NXPH3: variants seen among roughly 807,000 people sequenced by gnomAD.
NXPH3 encodes the protein neurexophilin 3, also known as neurexophilin-3.
Under a neutral mutation model 18.8 loss-of-function variants are expected in NXPH3, and 7 were observed. That is an observed-to-expected ratio of 0.37 (90% CI 0.21 to 0.70). The LOEUF (loss-of-function observed/expected upper bound fraction) is 0.70. Among genes scored for constraint, NXPH3 ranks in the 30% least tolerant of loss-of-function variants. The probability of loss-of-function intolerance (pLI) is 0.53; values close to 1 mark genes in which losing one functional copy is unlikely to be tolerated. For missense variants in NXPH3, 282 were observed against 338.1 expected (o/e 0.83, Z 1.30); for synonymous variants, 101 against 137.3 (o/e 0.74, Z 1.85).
rs532522841 is a variant in NXPH3 at position 49,580,521 on chromosome 17, G to C, written c.*1221G>C. 6.6e-6 allele frequency: 1 copy of C among 152,236 alleles called. No homozygotes were observed. Among genetic ancestry groups the C allele is most frequent in the South Asian group, 2.1e-4 (1 of 4,834 alleles). 9.4% of individuals were successfully genotyped at this position (152,236 alleles called of 1,614,324 possible). The stretch of plus-strand genomic sequence containing the variant: ...GCTCAGGGCTTCCCTCTCCAGCCCC[G>C]GTTCCAAGCTGTCTGATCCCCCACG... On this transcript the variant is annotated 3_prime_UTR_variant, in exon 2 of 2. Transcript: ENST00000328741.
rs1201386344 is a variant in NXPH3, at chr17:49,579,973, A to C, written c.*673A>C. ...TGCCAGTACTCCCCCTGTACCACCC[A>C]TTGCTGATGGCACACCCATCCTTAA... On this transcript the variant is annotated 3_prime_UTR_variant, in exon 2 of 2. Coordinates refer to ENST00000328741, the MANE Select transcript of NXPH3 (RefSeq NM_007225.4). The surrounding 1 kb of genome is among the most constrained non-coding windows in gnomAD (Gnocchi z 6.0). 6.6e-6 allele frequency: 1 copy of C among 152,376 alleles called. No homozygotes were observed. Among genetic ancestry groups the C allele is most frequent in the African/African-American group, 2.4e-5 (1 of 41,392 alleles). The allele number at this position is 152,376 out of a possible 1,614,324, so 9.4% of individuals were successfully genotyped here.
Position 49,582,290 on chromosome 17 carries a change from A to C in NXPH3, c.*2990A>C. 5.2e-6 allele frequency: 1 copy of C among 191,172 alleles called. No homozygotes were observed. The highest frequency in any genetic ancestry group is 1.1e-5 in the Non-Finnish European group (1 of 93,490). 11.8% of individuals were successfully genotyped at this position (191,172 alleles called of 1,614,324 possible). ...AGAAACCTGTCCCCACTCTGCCCAG[A>C]CCCCAAAGGGCCAGGTCCTACTCAC... On this transcript the variant is annotated 3_prime_UTR_variant, in exon 2 of 2. Transcript: ENST00000328741.
chr17:49,576,363 C>G lies in NXPH3; in HGVS notation c.54+90C>G, dbSNP rs1292978311. 3 of 1,419,648 alleles carry G rather than the reference C, an allele frequency of 2.1e-6. No individual in the cohort carries two copies. The Admixed American group carries it at 6.0e-5, about 28-fold the overall frequency. The allele number at this position is 1,419,648 out of a possible 1,614,324, so 87.9% of individuals were successfully genotyped here. On this transcript the variant is annotated intron_variant, in intron 1 of 1. Transcript: ENST00000328741. Reference sequence around the variant, plus strand: ...AAGCTTGCGAGCCCTGAAACTTTCTCCCTTCCCCCGACATCCCGGGGATGG... The same window carrying G: ...AAGCTTGCGAGCCCTGAAACTTTCTGCCTTCCCCCGACATCCCGGGGATGG...
chr17:49,580,044 C>T lies in NXPH3; in HGVS notation c.*744C>T. On this transcript the variant is annotated 3_prime_UTR_variant, in exon 2 of 2. Coordinates refer to ENST00000328741, the MANE Select transcript of NXPH3 (RefSeq NM_007225.4). ...GTCCTCCCACACTAAGGCCACAGCC[C>T]ATCCGCGTGCTGTGTGTCCCTCTTC... The T allele has an allele frequency of 6.6e-6, 1 of 152,552 alleles. No individual in the cohort carries two copies. Among genetic ancestry groups the T allele is most frequent in the Non-Finnish European group, 1.5e-5 (1 of 68,190 alleles). 9.4% of individuals were successfully genotyped at this position (152,552 alleles called of 1,614,324 possible).
chr17:49,578,575 T>C lies in NXPH3; in HGVS notation c.55-21T>C. 6.6e-7 allele frequency: 1 copy of C among 1,523,742 alleles called. No homozygotes were observed. The highest frequency in any genetic ancestry group is 8.8e-7 in the Non-Finnish European group (1 of 1,136,396). 94.4% of individuals were successfully genotyped at this position (1,523,742 alleles called of 1,614,324 possible). On this transcript the variant is annotated intron_variant, in intron 1 of 1. Coordinates refer to ENST00000328741, the MANE Select transcript of NXPH3 (RefSeq NM_007225.4). The surrounding 1 kb of genome is among the most constrained non-coding windows in gnomAD (Gnocchi z 4.5). ...ACCTCCAGGGACAGGGCTCTCACTG[T>C]ACTCACAACTCCCTCCATAGGTCAT... is the stretch of plus-strand genomic sequence containing the variant.
intron 1 of NXPH3, among the ~76,000 whole-genome samples, chr17:49,576,613 G>A (rs754116454): frequency 2.6e-5 from 4 of 152,038 alleles, no homozygotes. Context: ...AGTGGGGCGC[G>A]GGTCGTGGAG....
Position 49,579,012 on chromosome 17 carries a change from C to T in NXPH3, c.471C>T (p.Phe157=), listed in dbSNP as rs1372954261. The T allele has an allele frequency of 1.2e-6, 2 of 1,614,068 alleles. No homozygotes were observed. Among genetic ancestry groups the T allele is most frequent in the Non-Finnish European group, 1.7e-6 (2 of 1,180,048 alleles). ...SLVPPSKAVE[F]HQEQQIFIEA... is the part of the protein sequence containing the mutation. ...TGCCCCCCAGTAAAGCTGTAGAGTT[C>T]CACCAGGAACAGCAGATCTTCATCG... Residue 157 remains phenylalanine, a synonymous_variant, in exon 2 of 2, where the codon TTC becomes TTT. Coordinates refer to ENST00000328741, the MANE Select transcript of NXPH3 (RefSeq NM_007225.4). This position sits in a 1 kb window ranked among gnomAD's most constrained non-coding sequence, Gnocchi z 6.0.
At position 49,578,844 on chromosome 17, in the gene NXPH3, C is replaced by T. The variant is rs1567759284; in HGVS notation, c.303C>T (p.Gly101=). The T allele has an allele frequency of 6.2e-7, 1 of 1,614,126 alleles. No homozygotes were observed. The highest frequency in any genetic ancestry group is 8.5e-7 in the Non-Finnish European group (1 of 1,180,030). The change falls in exon 2 of 2, where the codon GGC becomes GGT. Residue 101 remains glycine (G), a synonymous_variant. Coordinates refer to ENST00000328741, the MANE Select transcript of NXPH3 (RefSeq NM_007225.4). This position sits in a 1 kb window ranked among gnomAD's most constrained non-coding sequence, Gnocchi z 4.5. ...PPSAKVKKIF[G]WGDFYSNIKT... is the part of the protein sequence containing the mutation. ...CAGCCAAGGTGAAGAAAATCTTTGG[C>T]TGGGGCGACTTCTACTCCAACATCA... is the stretch of plus-strand genomic sequence containing the variant.
At position 49,578,784 on chromosome 17, in the gene NXPH3, G is replaced by GC; in HGVS notation, c.249dup (p.Asn84GlnfsTer70). On this transcript the variant is annotated frameshift_variant, in exon 2 of 2. Transcript: ENST00000328741. LOFTEE classifies it high-confidence loss of function. This position sits in a 1 kb window ranked among gnomAD's most constrained non-coding sequence, Gnocchi z 4.5. ...GGGAGGCTTGGGGCATTCTTGGGCA[G>GC]CCCCCCAACCGCCCGAACCACAGCC... 3 of 1,613,726 alleles carry GC rather than the reference G, an allele frequency of 1.9e-6. No homozygotes were observed. Among genetic ancestry groups the GC allele is most frequent in the Non-Finnish European group, 2.5e-6 (3 of 1,179,948 alleles).
In NXPH3 at chr17:49,580,834, T is replaced by A. The variant is rs1002613527; in HGVS notation, c.*1534T>A. On this transcript the variant is annotated 3_prime_UTR_variant, in exon 2 of 2. Transcript: ENST00000328741. The stretch of plus-strand genomic sequence containing the variant: ...TCTCAAACGCGGATCACCCAGAGGG[T>A]TTGTTAACACACAGATTTCTGGGTC... 1.3e-5 allele frequency: 2 copies of A among 152,230 alleles called. No individual in the cohort carries two copies. The highest frequency in any genetic ancestry group is 4.8e-5 in the African/African-American group (2 of 41,450). The allele number at this position is 152,230 out of a possible 1,614,324, so 9.4% of individuals were successfully genotyped here.
intron 1 of NXPH3, 71 bp downstream of exon 1, chr17:49,576,344 G>C (rs1244811124): frequency 2.7e-5 from 41 of 1,506,758 alleles, no homozygotes; most frequent in Non-Finnish European, 3.2e-5. Context: ...CGGGAAGCTT[G>C]CGAGCCCTGA....
Position 49,581,669 on chromosome 17 carries a change from C to A in NXPH3, c.*2369C>A, listed in dbSNP as rs2071601168. On this transcript the variant is annotated 3_prime_UTR_variant, in exon 2 of 2. Coordinates refer to ENST00000328741, the MANE Select transcript of NXPH3 (RefSeq NM_007225.4). ...GACTGCTGGCACTGGAGCAGCCCAC[C>A]AATGGACACCCACCGTGTGCCGTTC... 1 of 702,490 alleles carries A rather than the reference C, an allele frequency of 1.4e-6. No individual in the cohort carries two copies. The highest frequency in any genetic ancestry group is 2.0e-5 in the Admixed American group (1 of 49,994). 43.5% of individuals were successfully genotyped at this position (702,490 alleles called of 1,614,324 possible). A position where few individuals can be genotyped will look rare whatever the true frequency, so the allele number is the denominator to read the frequency against.
At position 49,581,334 on chromosome 17, in the gene NXPH3, T is replaced by A. The variant is rs879187316; in HGVS notation, c.*2034T>A. ...GGAGGTCATTCTAAGTCGGCTCTCT[T>A]GGGAGGGCAGCACTCAGGGCCCTTT... On this transcript the variant is annotated 3_prime_UTR_variant, in exon 2 of 2. Transcript: ENST00000328741. 5 of 523,806 alleles carry A rather than the reference T, an allele frequency of 9.5e-6. No homozygotes were observed. Among genetic ancestry groups the A allele is most frequent in the Middle Eastern group, 4.9e-4 (1 of 2,036 alleles). 32.4% of individuals were successfully genotyped at this position (523,806 alleles called of 1,614,324 possible). A position where few individuals can be genotyped will look rare whatever the true frequency, so the allele number is the denominator to read the frequency against.
At position 49,581,176 on chromosome 17, in the gene NXPH3, G is replaced by A. The variant is rs1014173173; in HGVS notation, c.*1876G>A. 10 of 212,050 alleles carry A rather than the reference G, an allele frequency of 4.7e-5. No individual in the cohort carries two copies. The highest frequency in any genetic ancestry group is 2.5e-4 in the East Asian group (2 of 8,074). The allele number at this position is 212,050 out of a possible 1,614,324, so 13.1% of individuals were successfully genotyped here. ...AGTGGGGTGTGGACACAGGGCCTGC[G>A]TCAGTCACTCCCCTCCTGCAGCTAG... On this transcript the variant is annotated 3_prime_UTR_variant, in exon 2 of 2. Coordinates refer to ENST00000328741, the MANE Select transcript of NXPH3 (RefSeq NM_007225.4).
chr17:49,578,841 T>C lies in NXPH3; in HGVS notation c.300T>C (p.Phe100=). The change falls in exon 2 of 2, where the codon TTT becomes TTC. Residue 100 remains phenylalanine, a synonymous_variant. Coordinates refer to ENST00000328741, the MANE Select transcript of NXPH3 (RefSeq NM_007225.4). This position sits in a 1 kb window ranked among gnomAD's most constrained non-coding sequence, Gnocchi z 4.5. The part of the protein sequence containing the change: ...PPPSAKVKKI[F]GWGDFYSNIK... ...CCTCAGCCAAGGTGAAGAAAATCTT[T>C]GGCTGGGGCGACTTCTACTCCAACA... 2.5e-6 allele frequency: 4 copies of C among 1,614,090 alleles called. No homozygotes were observed. The highest frequency in any genetic ancestry group is 3.4e-6 in the Non-Finnish European group (4 of 1,180,020).
chr17:49,581,442 G>T lies in NXPH3; in HGVS notation c.*2142G>T, dbSNP rs568017596. ...CCACCTTTCGCCCCTGCCCACCAGCGCTCCGCGCAAACTGGTCCCCTCATA... is the reference window on the plus strand; with the variant it reads ...CCACCTTTCGCCCCTGCCCACCAGCTCTCCGCGCAAACTGGTCCCCTCATA... On this transcript the variant is annotated 3_prime_UTR_variant, in exon 2 of 2. Transcript: ENST00000328741. The T allele has an allele frequency of 2.2e-4, 130 of 601,176 alleles. No individual in the cohort carries two copies. The African/African-American group carries it at 2.3e-3, about 11-fold the overall frequency. 37.2% of individuals were successfully genotyped at this position (601,176 alleles called of 1,614,324 possible).
chr17:49,581,990 G>T lies in NXPH3; in HGVS notation c.*2690G>T. ...CCTTTCCACCTTCCCCAGTAGCCTG[G>T]CTGCTCTCCTCAGCTAGGACTTCGC... On this transcript the variant is annotated 3_prime_UTR_variant, in exon 2 of 2. Transcript: ENST00000328741. 1 of 596,764 alleles carries T rather than the reference G, an allele frequency of 1.7e-6. No homozygotes were observed. Among genetic ancestry groups the T allele is most frequent in the Non-Finnish European group, 3.0e-6 (1 of 335,448 alleles). The allele number at this position is 596,764 out of a possible 1,614,324, so 37.0% of individuals were successfully genotyped here.
At chr17:49,576,638 G>A (rs1291326289) in intron 1 of NXPH3, among the ~76,000 whole-genome samples, 2 of 151,994 alleles carry the variant, frequency 1.3e-5, no homozygotes, top group Admixed American at 1.3e-4. Context: ...TGACCTGCAG[G>A]CTTTTCCCCT....
chr17:49,578,893 G>C lies in NXPH3; in HGVS notation c.352G>C (p.Val118Leu). The change falls in exon 2 of 2, where the codon GTC becomes CTC. Residue 118 changes from valine to leucine, a missense_variant. Physicochemically the swap from Val to Leu is conservative, Grantham distance 32 (BLOSUM62 1). Coordinates refer to ENST00000328741, the MANE Select transcript of NXPH3 (RefSeq NM_007225.4). The surrounding 1 kb of genome is among the most constrained non-coding windows in gnomAD (Gnocchi z 4.5). ...NIKTVALNLL[V>L]TGKIVDHGNG... ...CAAGACGGTGGCCCTGAACCTGCTCGTCACAGGGAAGATTGTGGACCATGG... is the reference window on the plus strand; with the variant it reads ...CAAGACGGTGGCCCTGAACCTGCTCCTCACAGGGAAGATTGTGGACCATGG... 1 of 1,614,100 alleles carries C rather than the reference G, an allele frequency of 6.2e-7. No individual in the cohort carries two copies. The highest frequency in any genetic ancestry group is 8.5e-7 in the Non-Finnish European group (1 of 1,180,026).
Sources: gnomAD v4.1 joint callset for allele counts (sites outside exome capture counted in the v4.1 genomes callset) on GRCh38, gnomAD v4.1.1 for gene constraint, Gnocchi (gnomAD v3.1) non-coding constraint, MANE v1.5 for transcripts, NCBI Gene and HGNC (gene_info 2026-07-23, HGNC 2026-07-21) for gene names.